Variants in POLE observed in about 807,000 individuals in gnomAD.
The protein encoded by POLE is DNA polymerase epsilon, catalytic subunit, also known as DNA polymerase epsilon catalytic subunit A.
In POLE, 188 loss-of-function variants were observed where a neutral mutation model predicts 279.2. The ratio of observed to expected loss-of-function variants is 0.67; its 90% CI spans 0.60 to 0.76. The LOEUF (loss-of-function observed/expected upper bound fraction) is 0.76. Among genes scored for constraint, POLE ranks in the 30% least tolerant of loss-of-function variants. The pLI is 0.00. For synonymous variants in POLE, 1,214 were observed against 1,172.5 expected (o/e 1.04, Z -0.72); for missense variants, 2,703 against 3,016.7 (o/e 0.90, Z 2.44).
chr12:132,634,521 G>A lies in POLE; in HGVS notation c.5812-143C>T. ...TTCCTCGCAGTCAAGGCATCCCCTG[G>A]AGCCTGCGTGAATCCCCCAGGGTGG... On this transcript the variant is annotated intron_variant, in intron 42 of 48. Coordinates refer to ENST00000320574, the MANE Select transcript of POLE (RefSeq NM_006231.4). This position sits in a 1 kb window ranked among gnomAD's most constrained non-coding sequence, Gnocchi z 4.0. 1 of 793,328 alleles carries A rather than the reference G, an allele frequency of 1.3e-6. No homozygotes were observed. The highest frequency in any genetic ancestry group is 1.7e-5 in the South Asian group (1 of 58,990). 49.1% of individuals were successfully genotyped at this position (793,328 alleles called of 1,614,324 possible). A position where few individuals can be genotyped will look rare whatever the true frequency, so the allele number is the denominator to read the frequency against.
chr12:132,645,798 A>C (rs1292889367), intron 32 of POLE, among the ~76,000 whole-genome samples: 4 of 107,284 alleles, frequency 3.7e-5, no homozygotes, highest in African/African-American at 1.7e-4. Context: ...ACACACACAC[A>C]CCCACACACA....
chr12:132,667,175 A>T (rs2042815938), intron 20 of POLE, among the ~76,000 whole-genome samples: 1 of 152,138 alleles, frequency 6.6e-6, no homozygotes, highest in Admixed American at 6.5e-5. Flanking sequence ...TGACAGCGGG[A>T]AAGAGATAAA....
intron 29 of POLE, among the ~76,000 whole-genome samples, chr12:132,656,657 C>T (rs530040576): frequency 1.3e-5 from 2 of 152,326 alleles, no homozygotes; most frequent in South Asian, 4.1e-4. Flanking sequence ...CGCACCTGGT[C>T]AAAGAACCTT....
rs1242503528 is a variant in POLE, at chr12:132,661,590, T to C, written c.2801A>G (p.Asp934Gly). The C allele has an allele frequency of 6.2e-7, 1 of 1,614,088 alleles. No individual in the cohort carries two copies. Among genetic ancestry groups the C allele is most frequent in the Non-Finnish European group, 8.5e-7 (1 of 1,180,038 alleles). ...RSENSIFFEV[D>G]GPYLAMILPA... is the part of the protein sequence containing the mutation. ...AAGAATCATGGCAAGGTAGGGCCCA[T>C]CAACCTCAAAAAAGATGCTGTTCTC... is the stretch of plus-strand genomic sequence containing the variant. The change falls in exon 24 of 49, where the codon GAT becomes GGT. Residue 934 changes from aspartate (D) to glycine (G), a missense_variant. This residue lies in a region of POLE where 101 missense variants were observed against 115.4 expected (regional missense o/e 0.87). Coordinates refer to ENST00000320574, the MANE Select transcript of POLE (RefSeq NM_006231.4). The surrounding 1 kb of genome is among the most constrained non-coding windows in gnomAD (Gnocchi z 4.1).
Position 132,635,283 on chromosome 12 carries a change from A to G in POLE, c.5811+609T>C, listed in dbSNP as rs367665228. Among the ~76,000 whole-genome samples, 52 of 152,102 alleles carry G rather than the reference A, an allele frequency of 3.4e-4. No homozygotes were observed. The East Asian group carries it at 3.7e-3, about 11-fold the overall frequency. On this transcript the variant is annotated intron_variant, in intron 42 of 48. Coordinates refer to ENST00000320574, the MANE Select transcript of POLE (RefSeq NM_006231.4). ...GGCCCGCACCTGGGCATTTACACACATCCGATCCGCTGGCCCCTTGGCTCC... is the reference window on the plus strand; with the variant it reads ...GGCCCGCACCTGGGCATTTACACACGTCCGATCCGCTGGCCCCTTGGCTCC...
At chr12:132,637,893 T>G in intron 41 of POLE, 121 bp downstream of exon 41, 1 of 1,089,718 alleles carries the variant, frequency 9.2e-7, no homozygotes, top group Non-Finnish European at 1.3e-6. Context: ...TTCACCATGG[T>G]GAGTCCTGCA....
intron 1 of POLE, among the ~76,000 whole-genome samples, chr12:132,682,428 G>A (rs995237736): frequency 2.6e-5 from 4 of 152,074 alleles, no homozygotes; most frequent in Admixed American, 6.6e-5. Flanking sequence ...AGGTTGCAGT[G>A]AGCCAAGATT....
chr12:132,626,202 C>T lies in POLE; in HGVS notation c.6446G>A (p.Arg2149His), dbSNP rs201165149. 3.7e-5 allele frequency: 59 copies of T among 1,613,642 alleles called. No individual in the cohort carries two copies. The highest frequency in any genetic ancestry group is 1.3e-4 in the Admixed American group (8 of 59,998). ...GATGACCTCAGGAAGCACGTAGGAG[C>T]GGCAGGGGTCTCGGAACTGGGCCTC... ...SEEAQFRDPC[R>H]SYVLPEVICR... The change falls in exon 46 of 49, where the codon CGC becomes CAC. Residue 2149 changes from arginine to histidine, a missense_variant. Arg to His is a conservative substitution (Grantham distance 29). Coordinates refer to ENST00000320574, the MANE Select transcript of POLE (RefSeq NM_006231.4).
Position 132,649,428 on chromosome 12 carries a change from G to C in POLE, c.3883C>G (p.Leu1295Val), listed in dbSNP as rs1184724406. 1 of 1,613,060 alleles carries C rather than the reference G, an allele frequency of 6.2e-7. No homozygotes were observed. The highest frequency in any genetic ancestry group is 1.1e-5 in the South Asian group (1 of 91,082). Residue 1295 changes from leucine to valine, a missense_variant, in exon 31 of 49, where the codon CTG becomes GTG. By Grantham distance (32) the Leu-to-Val change is conservative (BLOSUM62 1). Transcript: ENST00000320574. ...QRLARRKRQR[L>V]ESAEGVLRPG... ...CTGAGCACACCCTCTGCCGACTCCA[G>C]ACGCTGCCTCTTCCTGCGGGCGAGG...
chr12:132,626,128 AAG>A lies in POLE; in HGVS notation c.6518_6519del (p.Ser2173PhefsTer130), dbSNP rs774417192. On this transcript the variant is annotated frameshift_variant, in exon 46 of 49. Transcript: ENST00000320574. LOFTEE classifies it high-confidence loss of function. Reference sequence around the variant, plus strand: ...GAGCTCAGCCGCACCTCTGAGAAGGAAGAGTCTTTACACAGGTCCAGGTCGCG... The same window carrying A: ...GAGCTCAGCCGCACCTCTGAGAAGGAAGTCTTTACACAGGTCCAGGTCGCG... The part of the protein sequence containing the change: ...FCRDLDLCKD[S>X]SFSEDGAVLP... 2.4e-5 allele frequency: 38 copies of A among 1,601,546 alleles called. No individual in the cohort carries two copies. Among genetic ancestry groups the A allele is most frequent in the Non-Finnish European group, 3.0e-5 (35 of 1,174,372 alleles).
intron 28 of POLE, 31 bp from the exon 29 acceptor site, chr12:132,657,289 AC>A (rs778854644): frequency 6.2e-7 from 1 of 1,613,598 alleles, no homozygotes; most frequent in Admixed American, 1.7e-5. Context: ...TCAGAGAGAG[AC>A]CCTTGTCTAA....
rs1449239461 is a variant in POLE at position 132,657,253 on chromosome 12, C to A, written c.3465G>T (p.Lys1155Asn). 1.9e-6 allele frequency: 3 copies of A among 1,614,080 alleles called. No individual in the cohort carries two copies. Among genetic ancestry groups the A allele is most frequent in the South Asian group, 1.1e-5 (1 of 91,068 alleles). The stretch of plus-strand genomic sequence containing the variant: ...GGTGTTTGACACGTGGCACTGGGTT[C>A]TTTACCTGTGTGAGGCCAACACCCA... The part of the protein sequence containing the change: ...ITIPAALQQV[K>N]NPVPRVKHPD... Residue 1155 changes from lysine to asparagine, a missense_variant, in exon 29 of 49, where the codon AAG (lysine) becomes AAT (asparagine). Lys to Asn is a moderately conservative substitution (Grantham distance 94). Around this residue, in one of 5 missense-constraint regions of POLE, gnomAD observed 1,551 missense variants for 1,686.1 expected, o/e 0.92. Coordinates refer to ENST00000320574, the MANE Select transcript of POLE (RefSeq NM_006231.4).
intron 6 of POLE, among the ~76,000 whole-genome samples, chr12:132,678,768 C>T (rs931852061): frequency 7.9e-5 from 12 of 152,130 alleles, no homozygotes; most frequent in African/African-American, 2.2e-4. Context: ...CCCACCATTG[C>T]GGCCACTATT....
Position 132,638,946 on chromosome 12 carries a change from G to C in POLE, c.5552+179C>G, listed in dbSNP as rs942363941. 18 of 611,576 alleles carry C rather than the reference G, an allele frequency of 2.9e-5. No homozygotes were observed. In the African/African-American group the frequency reaches 3.1e-4, roughly 11 times the overall value. The allele number at this position is 611,576 out of a possible 1,614,324, so 37.9% of individuals were successfully genotyped here. On this transcript the variant is annotated intron_variant, in intron 40 of 48. Coordinates refer to ENST00000320574, the MANE Select transcript of POLE (RefSeq NM_006231.4). ...CTAGTGTTCTCTGCAGGATGTGCAG[G>C]CGACGCTGCAGCAGCAGCTGCGTGT...
intron 32 of POLE, among the ~76,000 whole-genome samples, chr12:132,648,332 C>T (rs756724596): frequency 2.8e-5 from 4 of 145,380 alleles, no homozygotes; most frequent in Non-Finnish European, 6.0e-5. Context: ...TGAAAATATC[C>T]GAATGGGGGG....
Position 132,687,291 on chromosome 12 carries a change from G to A in POLE, c.25C>T (p.Arg9Trp), listed in dbSNP as rs1480510431. The A allele has an allele frequency of 1.3e-6, 2 of 1,501,246 alleles. No homozygotes were observed. The highest frequency in any genetic ancestry group is 1.8e-6 in the Non-Finnish European group (2 of 1,126,926). 93.0% of individuals were successfully genotyped at this position (1,501,246 alleles called of 1,614,324 possible). A position where few individuals can be genotyped will look rare whatever the true frequency, so the allele number is the denominator to read the frequency against. ...CCATCCGCGCCTGGGTCCGCGCGCC[G>A]CCGCCCGCCGCTCCTCAGAGACATG... The part of the protein sequence containing the change: MSLRSGGR[R>W]RADPGADGEA... The change falls in exon 1 of 49, where the codon CGG becomes TGG. Residue 9 changes from arginine to tryptophan, a missense_variant. Around this residue, in one of 5 missense-constraint regions of POLE, gnomAD observed 1,011 missense variants for 1,111.7 expected, o/e 0.91. Coordinates refer to ENST00000320574, the MANE Select transcript of POLE (RefSeq NM_006231.4).
chr12:132,661,270 C>G lies in POLE; in HGVS notation c.2865-106G>C. 1 of 1,127,450 alleles carries G rather than the reference C, an allele frequency of 8.9e-7. No individual in the cohort carries two copies. 69.8% of individuals were successfully genotyped at this position (1,127,450 alleles called of 1,614,324 possible). On this transcript the variant is annotated intron_variant, in intron 24 of 48. Transcript: ENST00000320574. The surrounding 1 kb of genome is among the most constrained non-coding windows in gnomAD (Gnocchi z 4.1). ...GCCTCTTCCCTTTCCAACCCTCCAC[C>G]TGTCATCCACGAGGCAGCAAACGTC...
chr12:132,626,405 A>T, intron 45 of POLE, 88 bp from the exon 46 acceptor site: 1 of 1,288,894 alleles, frequency 7.8e-7, no homozygotes, highest in Non-Finnish European at 1.1e-6. Flanking sequence ...ACCTTAGGCT[A>T]CAGTTTCCTG....
intron 21 of POLE, 58 bp downstream of exon 21, chr12:132,665,244 C>G (rs557851939): frequency 1.9e-6 from 3 of 1,566,566 alleles, no homozygotes; most frequent in South Asian, 1.1e-5. Context: ...TGAAGCTGCC[C>G]TAAACGTGGA....
Sources: allele counts gnomAD v4.1 joint callset (sites outside exome capture counted in the v4.1 genomes callset), GRCh38; gene constraint gnomAD v4.1.1; regional missense constraint gnomAD v4.1.1; non-coding constraint Gnocchi (gnomAD v3.1); transcripts MANE v1.5; gene names NCBI Gene and HGNC (gene_info 2026-07-23, HGNC 2026-07-21).